The following KPNA5 variants were observed in gnomAD, a reference collection of about 807,000 sequenced individuals.
KPNA5 encodes importin subunit alpha-6.
KPNA5 carries 46 observed loss-of-function variants against 71.3 expected under a neutral mutation model. That is an observed-to-expected ratio of 0.65 (90% CI 0.51 to 0.83). KPNA5 has a LOEUF of 0.83. Ranked by LOEUF, KPNA5 falls within the 40% of genes least tolerant of loss-of-function variation. The probability of loss-of-function intolerance (pLI) is 0.00; values close to 1 mark genes in which losing one functional copy is unlikely to be tolerated. For synonymous variants in KPNA5, 207 were observed against 201.4 expected (o/e 1.03, Z -0.24); for missense variants, 547 against 628.3 (o/e 0.87, Z 1.38).
chr6:116,681,494 G>C, intron 1 of KPNA5, 156 bp downstream of exon 1: 1 of 1,374,262 alleles, frequency 7.3e-7, no homozygotes. Context: ...TTTCCCCAGG[G>C]CGACAGCGGT....
At chr6:116,706,635 C>T (rs1160696694) in intron 7 of KPNA5, among the ~76,000 whole-genome samples, 1 of 150,582 alleles carries the variant, frequency 6.6e-6, no homozygotes, top group Non-Finnish European at 1.5e-5. Flanking sequence ...GTTGTGGTGA[C>T]CTGAGATCAT....
In KPNA5 at chr6:116,726,126, TA is replaced by T. The variant is rs1158856846; in HGVS notation, c.1125+251del. Among the ~76,000 whole-genome samples the T allele has an allele frequency of 7.3e-5, 11 of 151,306 alleles. No homozygotes were observed. The South Asian group carries it at 1.3e-3, about 17-fold the overall frequency. ...ACATAATGGTTTGTCTTTAGAAAGA[TA>T]TTTTTTTGCATTAGTTTTAAATAAG... is the stretch of plus-strand genomic sequence containing the variant. On this transcript the variant is annotated intron_variant, in intron 11 of 13. Coordinates refer to ENST00000368564, the MANE Select transcript of KPNA5 (RefSeq NM_001366306.2).
Position 116,736,450 on chromosome 6 carries a change from A to G in KPNA5, c.*4127A>G, listed in dbSNP as rs1438872665. Reference sequence around the variant, plus strand: ...ATAAATTCAGAGATGTGCTGCCATCACCATAAGCAAAAGTTCACTTTTTTA... The same window carrying G: ...ATAAATTCAGAGATGTGCTGCCATCGCCATAAGCAAAAGTTCACTTTTTTA... On this transcript the variant is annotated 3_prime_UTR_variant, in exon 14 of 14. Transcript: ENST00000368564. The G allele has an allele frequency of 6.6e-6, 1 of 152,012 alleles. No individual in the cohort carries two copies. Among genetic ancestry groups the G allele is most frequent in the Non-Finnish European group, 1.5e-5 (1 of 67,918 alleles). 9.4% of individuals were successfully genotyped at this position (152,012 alleles called of 1,614,324 possible).
In KPNA5 at chr6:116,702,111, C is replaced by A; in HGVS notation, c.528C>A (p.Ile176=). The change falls in exon 6 of 14, where the codon ATC becomes ATA. Residue 176 remains isoleucine, a synonymous_variant. Coordinates refer to ENST00000368564, the MANE Select transcript of KPNA5 (RefSeq NM_001366306.2). The stretch of plus-strand genomic sequence containing the variant: ...AAACTGGGGCTGTTCCGATTTTTAT[C>A]AAACTTCTTAATTCTGAACATGAAG... ...VIETGAVPIF[I]KLLNSEHEDV... 1 of 1,613,804 alleles carries A rather than the reference C, an allele frequency of 6.2e-7. No homozygotes were observed. The highest frequency in any genetic ancestry group is 1.1e-5 in the South Asian group (1 of 91,040).
At chr6:116,711,641 TAGTTTCATTCCATTGTTGTCAGAG>T (rs1778693069) in intron 7 of KPNA5, among the ~76,000 whole-genome samples, 1 of 152,126 alleles carries the variant, frequency 6.6e-6, no homozygotes, top group African/African-American at 2.4e-5. Context: ...TCTGTATTTT[TAGTTTCATTCCATTGTTGTCAGAG>T]AAGATACTTT....
intron 1 of KPNA5, among the ~76,000 whole-genome samples, chr6:116,685,952 G>A (rs982946456): frequency 1.3e-5 from 2 of 152,050 alleles, no homozygotes; most frequent in African/African-American, 4.8e-5. Context: ...TGTTGCCCGG[G>A]CTGGAGTGCA....
intron 7 of KPNA5, among the ~76,000 whole-genome samples, chr6:116,706,193 CTTTTTG>C (rs1381566333): frequency 1.3e-5 from 2 of 152,146 alleles, no homozygotes; most frequent in African/African-American, 4.8e-5. Context: ...TAACTGAGCA[CTTTTTG>C]TTTTTGTTGT....
At position 116,702,150 on chromosome 6, in the gene KPNA5, G is replaced by C. The variant is rs746135023; in HGVS notation, c.567G>C (p.Gln189His). 6.2e-7 allele frequency: 1 copy of C among 1,612,344 alleles called. No homozygotes were observed. Among genetic ancestry groups the C allele is most frequent in the Admixed American group, 1.7e-5 (1 of 59,700 alleles). The change falls in exon 6 of 14, where the codon CAG becomes CAC. Residue 189 changes from glutamine (Q) to histidine (H), a missense_variant and splice_region_variant. Coordinates refer to ENST00000368564, the MANE Select transcript of KPNA5 (RefSeq NM_001366306.2). ...CTGAACATGAAGATGTTCAGGAACAGGTACGTCTCTAATTTGTATTGTTGT... is the reference window on the plus strand; with the variant it reads ...CTGAACATGAAGATGTTCAGGAACACGTACGTCTCTAATTTGTATTGTTGT... ...LNSEHEDVQEQAVWALGNIAG... is the reference protein window; with the variant it reads ...LNSEHEDVQEHAVWALGNIAG...
At chr6:116,687,017 T>C (rs1469594017) in intron 1 of KPNA5, among the ~76,000 whole-genome samples, 3 of 152,218 alleles carry the variant, frequency 2.0e-5, no homozygotes, top group African/African-American at 4.8e-5. Context: ...ATTCAGTCTC[T>C]TTTTTGGTTC....
chr6:116,732,096 A>T (rs201513925), intron 13 of KPNA5, 40 bp from the exon 14 acceptor site: 2 of 100,350 alleles, frequency 2.0e-5, no homozygotes, highest in Non-Finnish European at 3.9e-5. Flanking sequence ...ATATATATAT[A>T]TATATATATA....
chr6:116,712,047 T>C (rs941302221), intron 7 of KPNA5, among the ~76,000 whole-genome samples: 1 of 152,188 alleles, frequency 6.6e-6, no homozygotes, highest in Non-Finnish European at 1.5e-5. Context: ...GTTTAAGTGA[T>C]TCTCCTGCCT....
At chr6:116,701,190 A>G (rs1418922709) in intron 5 of KPNA5, among the ~76,000 whole-genome samples, 1 of 152,182 alleles carries the variant, frequency 6.6e-6, no homozygotes, top group Non-Finnish European at 1.5e-5. Context: ...GTTACTTATA[A>G]TGACGTGTAC....
rs1446707358 is a variant in KPNA5 at position 116,692,310 on chromosome 6, A to G, written c.258A>G (p.Thr86=). Residue 86 remains threonine (T), a synonymous_variant, in exon 4 of 14, where the codon ACA becomes ACG. Coordinates refer to ENST00000368564, the MANE Select transcript of KPNA5 (RefSeq NM_001366306.2). The part of the protein sequence containing the change: ...VPIPEEEVVT[T]DMVQMIFSNN... ...TGTTTTAGGAAGAAGTTGTTACTAC[A>G]GATATGGTTCAGATGATTTTTTCTA... 6.3e-7 allele frequency: 1 copy of G among 1,597,850 alleles called. No individual in the cohort carries two copies. Among genetic ancestry groups the G allele is most frequent in the African/African-American group, 1.3e-5 (1 of 74,196 alleles).
intron 9 of KPNA5, 93 bp downstream of exon 9, chr6:116,722,382 G>A: frequency 9.8e-7 from 1 of 1,016,912 alleles, no homozygotes; most frequent in Non-Finnish European, 1.4e-6. Flanking sequence ...AAGAGTCACT[G>A]TCTTCAGGGA....
In KPNA5 at chr6:116,692,055, T is replaced by G. The variant is rs754083573; in HGVS notation, c.139T>G (p.Leu47Val). The G allele has an allele frequency of 1.3e-6, 2 of 1,596,942 alleles. No homozygotes were observed. The highest frequency in any genetic ancestry group is 1.7e-6 in the Non-Finnish European group (2 of 1,165,172). ...GTAAACTGATTTCTCTTTATTACAGTTGTTCAAACGCAGAAATGTCTATTT... is the reference window on the plus strand; with the variant it reads ...GTAAACTGATTTCTCTTTATTACAGGTGTTCAAACGCAGAAATGTCTATTT... ...QLRKQKREEQ[L>V]FKRRNVYLPR... is the part of the protein sequence containing the mutation. Residue 47 changes from leucine (L) to valine (V), a missense_variant and splice_region_variant, in exon 3 of 14, where the codon TTG (leucine) becomes GTG (valine). Transcript: ENST00000368564.
At chr6:116,685,087 C>CTGTAGCACATTT (rs1777522646) in intron 1 of KPNA5, among the ~76,000 whole-genome samples, 2 of 152,314 alleles carry the variant, frequency 1.3e-5, no homozygotes, top group Admixed American at 6.5e-5. Context: ...ACATAAATGT[C>CTGTAGCACATTT]TGTAGCACAT....
At position 116,722,016 on chromosome 6, in the gene KPNA5, GTATTTT is replaced by G. The variant is rs1477058975; in HGVS notation, c.757-106_757-101del. ...ATTTTAAAACAATATAAATTTTCTG[GTATTTT>G]TATAACATTAAATTTTTGTTTTAAA... On this transcript the variant is annotated intron_variant, in intron 8 of 13. Coordinates refer to ENST00000368564, the MANE Select transcript of KPNA5 (RefSeq NM_001366306.2). 7 of 709,878 alleles carry G rather than the reference GTATTTT, an allele frequency of 9.9e-6. No individual in the cohort carries two copies. In the Admixed American group the frequency reaches 2.4e-4, roughly 24 times the overall value. The allele number at this position is 709,878 out of a possible 1,614,324, so 44.0% of individuals were successfully genotyped here. A position where few individuals can be genotyped will look rare whatever the true frequency, so the allele number is the denominator to read the frequency against.
chr6:116,697,705 T>G (rs1309811603), intron 4 of KPNA5, among the ~76,000 whole-genome samples: 1 of 152,010 alleles, frequency 6.6e-6, no homozygotes, highest in Non-Finnish European at 1.5e-5. Flanking sequence ...AGTATGCTCT[T>G]TTTCATGACT....
At position 116,716,338 on chromosome 6, in the gene KPNA5, A is replaced by G. The variant is rs746471142; in HGVS notation, c.756+20A>G. 2.0e-6 allele frequency: 3 copies of G among 1,488,216 alleles called. No homozygotes were observed. Among genetic ancestry groups the G allele is most frequent in the East Asian group, 4.5e-5 (2 of 44,176 alleles). The allele number at this position is 1,488,216 out of a possible 1,614,324, so 92.2% of individuals were successfully genotyped here. ...AGTAAGGTATGAGTAAAATACACAA[A>G]TTAAAATATTTGTTTCCATAAACCT... On this transcript the variant is annotated intron_variant, in intron 8 of 13. Transcript: ENST00000368564.
Sources: gnomAD v4.1 joint callset for allele counts (sites outside exome capture counted in the v4.1 genomes callset) on GRCh38, gnomAD v4.1.1 for gene constraint, MANE v1.5 for transcripts, NCBI Gene and HGNC (gene_info 2026-07-23, HGNC 2026-07-21) for gene names.